CDYL2: variants seen among roughly 807,000 people sequenced by gnomAD.
The protein encoded by CDYL2 is chromodomain Y like 2.
Under a neutral mutation model 49.4 loss-of-function variants are expected in CDYL2, and 23 were observed. The ratio of observed to expected loss-of-function variants is 0.47; its 90% CI spans 0.34 to 0.66. The LOEUF is 0.66. CDYL2 is among the 30% of genes least tolerant of loss of function. The pLI, the probability that CDYL2 is intolerant of heterozygous loss-of-function variation, is 0.01. For synonymous variants in CDYL2, 360 were observed against 268.8 expected, an observed-to-expected ratio of 1.34 and a Z score of -3.32; for missense variants, 678 against 656.4, an observed-to-expected ratio of 1.03 and a Z score of -0.36.
intron 1 of CDYL2, among the ~76,000 whole-genome samples, chr16:80,702,183 AACACACAC>A (rs35071485): frequency 2.1e-5 from 3 of 142,866 alleles, no homozygotes; most frequent in African/African-American, 7.8e-5. Context: ...GAAGGCCTAA[AACACACAC>A]ACACACACAC....
intron 3 of CDYL2, among the ~76,000 whole-genome samples, chr16:80,621,356 T>C (rs910058642): frequency 3.9e-5 from 6 of 152,254 alleles, no homozygotes; most frequent in Non-Finnish European, 8.8e-5. Context: ...AATTTAATTA[T>C]TATACATCCT....
At chr16:80,637,208 C>A (rs917267288) in intron 2 of CDYL2, among the ~76,000 whole-genome samples, 1 of 127,182 alleles carries the variant, frequency 7.9e-6, no homozygotes, top group Non-Finnish European at 1.7e-5. Context: ...TCTTTTAGTT[C>A]CTAAAAAGCA....
chr16:80,657,022 T>G (rs765692024), intron 2 of CDYL2, among the ~76,000 whole-genome samples: 12 of 152,198 alleles, frequency 7.9e-5, no homozygotes, highest in Non-Finnish European at 1.3e-4. Context: ...AACACAAAAC[T>G]ATCAGAGAGA....
chr16:80,723,108 C>T (rs2142527997), intron 1 of CDYL2, among the ~76,000 whole-genome samples: 2 of 152,326 alleles, frequency 1.3e-5, no homozygotes, highest in South Asian at 4.1e-4. Flanking sequence ...CCACAGGCAC[C>T]TCCCTGGGCT....
At chr16:80,660,623 T>G (rs926271737) in intron 2 of CDYL2, among the ~76,000 whole-genome samples, 2 of 152,166 alleles carry the variant, frequency 1.3e-5, no homozygotes, top group African/African-American at 4.8e-5. Context: ...ATAATCCAAA[T>G]ATCTCAATAA....
chr16:80,741,590 A>G (rs2142552062), intron 1 of CDYL2, among the ~76,000 whole-genome samples: 1 of 152,332 alleles, frequency 6.6e-6, no homozygotes, highest in Admixed American at 6.5e-5. Context: ...AGGTCACGAA[A>G]AAGAAGTGTG....
At chr16:80,749,550 A>G (rs374907511) in intron 1 of CDYL2, among the ~76,000 whole-genome samples, 47 of 152,156 alleles carry the variant, frequency 3.1e-4, no homozygotes, top group African/African-American at 9.6e-4. Flanking sequence ...TATCTTAGCA[A>G]AAAAAAATTG....
intron 1 of CDYL2, among the ~76,000 whole-genome samples, chr16:80,759,608 T>C (rs750564466): frequency 2.0e-5 from 3 of 152,220 alleles, no homozygotes; most frequent in Non-Finnish European, 4.4e-5. Context: ...TTTGGGTTAG[T>C]GTTTGCTACT....
chr16:80,672,559 G>GGAAAC (rs1909568716), intron 2 of CDYL2, among the ~76,000 whole-genome samples: 2 of 129,614 alleles, frequency 1.5e-5, no homozygotes, highest in Admixed American at 8.2e-5. Context: ...GGAAAGGAAA[G>GGAAAC]GAAAGGAAAG....
chr16:80,780,397 C>CTTT (rs1022730941), intron 1 of CDYL2, among the ~76,000 whole-genome samples: 150 of 105,338 alleles, frequency 1.4e-3, no homozygotes, highest in Middle Eastern at 0.011. Flanking sequence ...TGCACAATAT[C>CTTT]TTTTTTTTTT....
intron 2 of CDYL2, among the ~76,000 whole-genome samples, chr16:80,652,321 C>T (rs1317604377): frequency 6.6e-6 from 1 of 152,158 alleles, no homozygotes; most frequent in East Asian, 1.9e-4. Context: ...CAAAAGGACA[C>T]ACGAGCCACC....
chr16:80,739,850 G>A (rs983859360), intron 1 of CDYL2, among the ~76,000 whole-genome samples: 1 of 152,200 alleles, frequency 6.6e-6, no homozygotes, highest in Admixed American at 6.5e-5. Context: ...GTCCACGGCA[G>A]GCCAATTACA....
intron 1 of CDYL2, among the ~76,000 whole-genome samples, chr16:80,766,792 A>G (rs1460366212): frequency 6.6e-6 from 1 of 152,212 alleles, no homozygotes; most frequent in Non-Finnish European, 1.5e-5. Context: ...ACATCACAAA[A>G]TGGAGAGTAG....
intron 1 of CDYL2, among the ~76,000 whole-genome samples, chr16:80,718,085 G>A (rs1277092953): frequency 2.0e-5 from 3 of 152,138 alleles, no homozygotes; most frequent in African/African-American, 7.2e-5. Context: ...TAGCAACTGA[G>A]GTTCAGAAGG....
intron 2 of CDYL2, among the ~76,000 whole-genome samples, chr16:80,664,893 G>A (rs1347515402): frequency 6.6e-6 from 1 of 152,178 alleles, no homozygotes; most frequent in Non-Finnish European, 1.5e-5. Flanking sequence ...GCTAGCAAGA[G>A]GGTTTGGCTT....
intron 1 of CDYL2, among the ~76,000 whole-genome samples, chr16:80,744,479 G>T (rs2142555648): frequency 7.9e-6 from 1 of 126,486 alleles, no homozygotes; most frequent in African/African-American, 2.5e-5. Context: ...ACAAGGTGAT[G>T]ACCAAAAGAA....
chr16:80,694,814 C>T (rs1042230690), intron 1 of CDYL2, among the ~76,000 whole-genome samples: 5 of 152,030 alleles, frequency 3.3e-5, no homozygotes, highest in African/African-American at 1.2e-4. Context: ...GGACAGAAAA[C>T]ATACAAGATG....
chr16:80,690,399 C>T (rs369746424), intron 1 of CDYL2, among the ~76,000 whole-genome samples: 1 of 152,194 alleles, frequency 6.6e-6, no homozygotes, highest in Non-Finnish European at 1.5e-5. Context: ...ACCACCATCA[C>T]CACCTAACCT....
At chr16:80,802,338 C>T (rs1169386121) in intron 1 of CDYL2, among the ~76,000 whole-genome samples, 1 of 152,200 alleles carries the variant, frequency 6.6e-6, no homozygotes, top group Non-Finnish European at 1.5e-5. Context: ...ACCATGATTC[C>T]AACCAGATCA....
Sources: allele counts gnomAD v4.1 joint callset (sites outside exome capture counted in the v4.1 genomes callset), GRCh38; gene constraint gnomAD v4.1.1; transcripts MANE v1.5; gene names NCBI Gene and HGNC (gene_info 2026-07-23, HGNC 2026-07-21).